CNTNAP4: variants seen among roughly 807,000 people sequenced by gnomAD.
CNTNAP4 encodes the protein contactin associated protein family member 4, also known as contactin-associated protein-like 4.
CNTNAP4 carries 98 observed loss-of-function variants against 148.4 expected under a neutral mutation model. The ratio of observed to expected loss-of-function variants is 0.66; its 90% CI spans 0.56 to 0.78. The LOEUF (loss-of-function observed/expected upper bound fraction) is 0.78. Ranked by LOEUF, CNTNAP4 falls within the 30% of genes least tolerant of loss-of-function variation. CNTNAP4 has a pLI of 0.00. For missense variants in CNTNAP4, 1,935 were observed against 1,565.6 expected (o/e 1.24, Z -3.98); for synonymous variants, 730 against 565.1 (o/e 1.29, Z -4.14).
chr16:76,472,194 T>C (rs2081401333), intron 10 of CNTNAP4, among the ~76,000 whole-genome samples: 1 of 151,924 alleles, frequency 6.6e-6, no homozygotes, highest in African/African-American at 2.4e-5. Flanking sequence ...TAAAATACAA[T>C]GGTTTAGAAC....
chr16:76,459,755 G>C (rs2072124520), intron 8 of CNTNAP4, among the ~76,000 whole-genome samples: 1 of 152,198 alleles, frequency 6.6e-6, no homozygotes. Flanking sequence ...GAATCACACA[G>C]AGTTGACTAT....
At position 76,462,036 on chromosome 16, in the gene CNTNAP4, C is replaced by G. The variant is rs770807360; in HGVS notation, c.1414C>G (p.Gln472Glu). ...TCACTTGAGTGTGGCGGTGGACGGC[C>G]AGATGGCTTCTGCTGCTCCTCTGCT... ...KNHLSVAVDG[Q>E]MASAAPLLGP... Residue 472 changes from glutamine (Q) to glutamate (E), a missense_variant, in exon 9 of 24, where the codon CAG becomes GAG. Physicochemically the swap from Gln to Glu is conservative, Grantham distance 29 (BLOSUM62 2). Transcript: ENST00000611870. 6 of 1,613,662 alleles carry G rather than the reference C, an allele frequency of 3.7e-6. 1 individual carries two copies. In the South Asian group the frequency reaches 6.6e-5, roughly 18 times the overall value.
At chr16:76,374,742 C>CTATTATTATTAT (rs34594219) in intron 3 of CNTNAP4, among the ~76,000 whole-genome samples, 5 of 131,616 alleles carry the variant, frequency 3.8e-5, no homozygotes, top group African/African-American at 1.1e-4. Flanking sequence ...GACTATGACA[C>CTATTATTATTAT]TATTATTATT....
intron 3 of CNTNAP4, among the ~76,000 whole-genome samples, chr16:76,381,171 C>G (rs775715830): frequency 6.6e-6 from 1 of 152,136 alleles, no homozygotes; most frequent in Non-Finnish European, 1.5e-5. Flanking sequence ...ATTTTAGAAT[C>G]TAGTAACTTT....
rs35994137 is a variant in CNTNAP4, at chr16:76,461,945, C to A, written c.1334-11C>A. ...ATTGAGAGCGATCTCTAACTGATTT[C>A]ATCTCCCTAGGTGTCGAATTAAATG... On this transcript the variant is annotated splice_polypyrimidine_tract_variant and intron_variant, in intron 8 of 23. Transcript: ENST00000611870. 632,960 of 1,609,258 alleles carry A rather than the reference C, an allele frequency of 0.39. 130,391 individuals carry two copies. Among genetic ancestry groups the A allele is most frequent in the Non-Finnish European group, 0.42 (495,140 of 1,176,008 alleles).
Position 76,451,977 on chromosome 16 carries a change from C to G in CNTNAP4, c.1072-531C>G, listed in dbSNP as rs186102855. ...CTCATTACGTATTATATATATGTAT[C>G]AAAATATCACATGTGCCTCATAAAT... On this transcript the variant is annotated intron_variant, in intron 7 of 23. Transcript: ENST00000611870. 8.6e-5 allele frequency among the ~76,000 whole-genome samples: 13 copies of G among 151,812 alleles called. No individual in the cohort carries two copies. The East Asian group carries it at 2.1e-3, about 25-fold the overall frequency.
At chr16:76,530,896 G>C (rs74025034) in intron 17 of CNTNAP4, among the ~76,000 whole-genome samples, 5,403 of 152,158 alleles carry the variant, frequency 0.036, 305 homozygotes, top group African/African-American at 0.12. Context: ...CAGGGTTGAC[G>C]GTCCAATGCT....
intron 4 of CNTNAP4, among the ~76,000 whole-genome samples, chr16:76,439,226 A>G (rs1035581440): frequency 1.3e-4 from 20 of 152,300 alleles, no homozygotes; most frequent in African/African-American, 4.6e-4. Context: ...CTGATTATCC[A>G]TGATGTAAAT....
At chr16:76,535,930 G>C in intron 18 of CNTNAP4, 146 bp downstream of exon 18, 1 of 794,476 alleles carries the variant, frequency 1.3e-6, no homozygotes, top group South Asian at 1.8e-5. Context: ...TGTAAAGAAT[G>C]AGTACAAGAT....
chr16:76,316,716 A>G (rs1210824011), intron 2 of CNTNAP4, among the ~76,000 whole-genome samples, 193 bp downstream of exon 2: 1 of 152,208 alleles, frequency 6.6e-6, no homozygotes, highest in Non-Finnish European at 1.5e-5. Context: ...ATCCTATATT[A>G]CGAAGAATTG....
intron 3 of CNTNAP4, among the ~76,000 whole-genome samples, chr16:76,408,717 A>G (rs577064098): frequency 2.6e-5 from 4 of 152,106 alleles, no homozygotes; most frequent in Non-Finnish European, 2.9e-5. Flanking sequence ...CAAATTTTCA[A>G]TAGTTAACTG....
chr16:76,538,487 C>A, intron 19 of CNTNAP4, 147 bp downstream of exon 19: 1 of 575,806 alleles, frequency 1.7e-6, no homozygotes, highest in Non-Finnish European at 3.0e-6. Context: ...TTAGTACTAT[C>A]CTATAAGTAT....
At position 76,498,681 on chromosome 16, in the gene CNTNAP4, C is replaced by G. The variant is rs1332771081; in HGVS notation, c.2352C>G (p.Leu784=). 2 of 1,608,822 alleles carry G rather than the reference C, an allele frequency of 1.2e-6. No individual in the cohort carries two copies. Among genetic ancestry groups the G allele is most frequent in the African/African-American group, 1.3e-5 (1 of 74,724 alleles). Residue 784 remains leucine, a synonymous_variant, in exon 15 of 24, where the codon CTC becomes CTG. Coordinates refer to ENST00000611870, the MANE Select transcript of CNTNAP4 (RefSeq NM_033401.5). ...CAGCTTATAAACTGGGGCCTCTGCTCTGCCAGGGAGACAGTAAGTGGTTAC... is the reference window on the plus strand; with the variant it reads ...CAGCTTATAAACTGGGGCCTCTGCTGTGCCAGGGAGACAGTAAGTGGTTAC... ...SEAAYKLGPL[L]CQGDRSFWNS... is the part of the protein sequence containing the mutation.
At chr16:76,442,939 C>G (rs996297892) in intron 4 of CNTNAP4, among the ~76,000 whole-genome samples, 5 of 151,928 alleles carry the variant, frequency 3.3e-5, no homozygotes, top group Non-Finnish European at 7.4e-5. Flanking sequence ...AACTACTATG[C>G]CAACATGAAA....
chr16:76,336,645 T>G lies in CNTNAP4; in HGVS notation c.197-18673T>G, dbSNP rs535437454. ...GTAAAGTTAGGAATTTGTTACTGTG[T>G]ATATTCACAATGCACATATAAGTTC... On this transcript the variant is annotated intron_variant, in intron 2 of 23. Transcript: ENST00000611870. 2.0e-5 allele frequency among the ~76,000 whole-genome samples: 3 copies of G among 152,368 alleles called. No homozygotes were observed. In the South Asian group the frequency reaches 6.2e-4, roughly 32 times the overall value.
Position 76,553,876 on chromosome 16 carries a change from T to C in CNTNAP4, c.3702T>C (p.Asn1234=). ...GTIDDREPLA[N]AIKSDSAVIG... ...TAGATGACAGAGAGCCCCTTGCTAA[T>C]GCAATCAAAAGTGACTCTGCAGTAA... Residue 1234 remains asparagine, a synonymous_variant, in exon 23 of 24, where the codon AAT becomes AAC. Coordinates refer to ENST00000611870, the MANE Select transcript of CNTNAP4 (RefSeq NM_033401.5). 6.2e-7 allele frequency: 1 copy of C among 1,612,210 alleles called. No homozygotes were observed. The highest frequency in any genetic ancestry group is 8.5e-7 in the Non-Finnish European group (1 of 1,178,488).
chr16:76,503,447 G>T (rs1356238270), intron 15 of CNTNAP4, among the ~76,000 whole-genome samples: 1 of 152,148 alleles, frequency 6.6e-6, no homozygotes, highest in Non-Finnish European at 1.5e-5. Context: ...TGACTTTCTA[G>T]GTAGAAAATC....
chr16:76,336,987 A>G (rs1319027882), intron 2 of CNTNAP4, among the ~76,000 whole-genome samples: 1 of 152,246 alleles, frequency 6.6e-6, no homozygotes, highest in Non-Finnish European at 1.5e-5. Flanking sequence ...CCACCCATGC[A>G]GATCAAACTA....
Position 76,535,643 on chromosome 16 carries a change from C to G in CNTNAP4, c.2854C>G (p.Pro952Ala). The change falls in exon 18 of 24, where the codon CCA becomes GCA. Residue 952 changes from proline (P) to alanine (A), a missense_variant. By Grantham distance (27) the Pro-to-Ala change is conservative. Coordinates refer to ENST00000611870, the MANE Select transcript of CNTNAP4 (RefSeq NM_033401.5). ...LDLEERAQVT[P>A]EVQPGCRGHC... Reference sequence around the variant, plus strand: ...TTTGGAAGAAAGAGCCCAGGTGACTCCAGAAGTGCAGCCAGGTTGTAGGGG... The same window carrying G: ...TTTGGAAGAAAGAGCCCAGGTGACTGCAGAAGTGCAGCCAGGTTGTAGGGG... The G allele has an allele frequency of 6.2e-7, 1 of 1,614,034 alleles. No individual in the cohort carries two copies. The highest frequency in any genetic ancestry group is 8.5e-7 in the Non-Finnish European group (1 of 1,180,020).
Sources: gnomAD v4.1 joint callset for allele counts (sites outside exome capture counted in the v4.1 genomes callset) on GRCh38, gnomAD v4.1.1 for gene constraint, MANE v1.5 for transcripts, NCBI Gene and HGNC (gene_info 2026-07-23, HGNC 2026-07-21) for gene names.